TPD52L1: variants seen among roughly 807,000 people sequenced by gnomAD.
The protein encoded by TPD52L1 is tumor protein D53.
Under a neutral mutation model 28.7 loss-of-function variants are expected in TPD52L1, and 18 were observed. That is an observed-to-expected ratio of 0.63 (90% confidence interval 0.43 to 0.93). The LOEUF is 0.93. Among genes scored for constraint, TPD52L1 ranks in the 40% least tolerant of loss-of-function variants. TPD52L1 has a pLI of 0.00. For synonymous variants in TPD52L1, 75 were observed against 88.8 expected, an observed-to-expected ratio of 0.84 and a Z score of 0.88; for missense variants, 203 against 254.8, an observed-to-expected ratio of 0.80 and a Z score of 1.39.
intron 1 of TPD52L1, among the ~76,000 whole-genome samples, chr6:125,174,755 C>T (rs1791715460): frequency 6.6e-6 from 1 of 152,148 alleles, no homozygotes; most frequent in Non-Finnish European, 1.5e-5. Flanking sequence ...GTGCTTACCT[C>T]TTCAGTTAGC....
intron 1 of TPD52L1, among the ~76,000 whole-genome samples, chr6:125,212,167 T>G (rs1371583865): frequency 6.6e-6 from 1 of 152,166 alleles, no homozygotes; most frequent in East Asian, 1.9e-4. Flanking sequence ...TTAATAAATA[T>G]TACAGTCTTA....
chr6:125,172,354 G>C (rs1161414320), intron 1 of TPD52L1, among the ~76,000 whole-genome samples: 1 of 139,166 alleles, frequency 7.2e-6, no homozygotes, highest in Non-Finnish European at 1.5e-5. Context: ...GAGTGCAGTG[G>C]TGCAATCCTG....
Position 125,261,024 on chromosome 6 carries a change from A to AAAAG in TPD52L1, c.487-1786_487-1783dup, listed in dbSNP as rs1177753693. 5 of 30,572 alleles carry AAAAG rather than the reference A, an allele frequency of 1.6e-4. 1 individual carries two copies. The highest frequency in any genetic ancestry group is 6.8e-4 in the African/African-American group (3 of 4,392). 1.9% of individuals were successfully genotyped at this position (30,572 alleles called of 1,614,324 possible). On this transcript the variant is annotated intron_variant, in intron 6 of 6. Coordinates refer to ENST00000534000, the MANE Select transcript of TPD52L1 (RefSeq NM_003287.4). ...AAAGAAAGAAAGAAAGAAAGAAAAG[A>AAAAG]AAAGAAAGAAAGAAAGAAAGAAAGA...
rs1362004669 is a variant in TPD52L1, at chr6:125,163,927, A to C, written c.19+9957A>C. 4.0e-5 allele frequency among the ~76,000 whole-genome samples: 6 copies of C among 151,134 alleles called. No individual in the cohort carries two copies. In the East Asian group the frequency reaches 1.2e-3, roughly 29 times the overall value. ...GTGACACTCTGTCTCAAAAAAAAAA[A>C]AAAAGAAAACAAAAGAAAAAAACCA... On this transcript the variant is annotated intron_variant, in intron 1 of 6. Coordinates refer to ENST00000534000, the MANE Select transcript of TPD52L1 (RefSeq NM_003287.4).
intron 1 of TPD52L1, among the ~76,000 whole-genome samples, chr6:125,204,998 T>C (rs1794026679): frequency 6.6e-6 from 1 of 152,220 alleles, no homozygotes; most frequent in Admixed American, 6.5e-5. Context: ...TAACTCTTTA[T>C]TCTCCACAAT....
chr6:125,262,052 G>A (rs1183980470), intron 6 of TPD52L1: 2 of 152,292 alleles, frequency 1.3e-5, no homozygotes, highest in Non-Finnish European at 2.9e-5. Flanking sequence ...TGGCAGGAAG[G>A]AGAAGTGCTG....
At chr6:125,162,310 G>T (rs1319381463) in intron 1 of TPD52L1, among the ~76,000 whole-genome samples, 6 of 152,158 alleles carry the variant, frequency 3.9e-5, no homozygotes, top group African/African-American at 7.2e-5. Flanking sequence ...GGCAGCTGTT[G>T]TAGTAGATGG....
At chr6:125,247,479 A>T (rs1253205763) in intron 3 of TPD52L1, among the ~76,000 whole-genome samples, 1 of 152,110 alleles carries the variant, frequency 6.6e-6, no homozygotes, top group Middle Eastern at 3.2e-3. Context: ...TCTCCTGTTG[A>T]ATCTGTCCAT....
chr6:125,223,733 G>T (rs1456250832), intron 2 of TPD52L1, among the ~76,000 whole-genome samples: 1 of 133,256 alleles, frequency 7.5e-6, no homozygotes. Flanking sequence ...AAAAAAAAAG[G>T]AATCTCTTTT....
intron 1 of TPD52L1, among the ~76,000 whole-genome samples, chr6:125,192,930 A>T (rs779798892): frequency 3.9e-5 from 6 of 152,190 alleles, no homozygotes; most frequent in Non-Finnish European, 8.8e-5. Flanking sequence ...ATTTAATTAT[A>T]AGGGCTGGTT....
chr6:125,242,904 G>A (rs537306386), intron 3 of TPD52L1, among the ~76,000 whole-genome samples: 17 of 152,154 alleles, frequency 1.1e-4, no homozygotes, highest in Non-Finnish European at 1.6e-4. Flanking sequence ...TGAGATTTAC[G>A]CTTTGATGAA....
At chr6:125,223,836 TG>T (rs1218936692) in intron 2 of TPD52L1, among the ~76,000 whole-genome samples, 1 of 152,118 alleles carries the variant, frequency 6.6e-6, no homozygotes, top group Non-Finnish European at 1.5e-5. Context: ...ACCTCTGATC[TG>T]GTGCAGTGGT....
intron 1 of TPD52L1, among the ~76,000 whole-genome samples, chr6:125,187,970 G>T (rs901860204): frequency 6.6e-6 from 1 of 151,738 alleles, no homozygotes; most frequent in Admixed American, 6.6e-5. Context: ...AGCATTAGCT[G>T]GGGTATGGTG....
intron 1 of TPD52L1, among the ~76,000 whole-genome samples, chr6:125,198,533 G>A (rs1291943470): frequency 2.0e-5 from 3 of 152,180 alleles, no homozygotes; most frequent in Non-Finnish European, 4.4e-5. Flanking sequence ...ACACATGGAA[G>A]TTATTGGTCA....
chr6:125,210,150 G>A (rs973099340), intron 1 of TPD52L1, among the ~76,000 whole-genome samples: 1 of 152,150 alleles, frequency 6.6e-6, no homozygotes, highest in Non-Finnish European at 1.5e-5. Context: ...CTCAGGCCAG[G>A]CCGAATTATA....
intron 3 of TPD52L1, among the ~76,000 whole-genome samples, chr6:125,237,315 A>G (rs1357035133): frequency 6.6e-6 from 1 of 152,192 alleles, no homozygotes; most frequent in Non-Finnish European, 1.5e-5. Context: ...AGGTGATTGC[A>G]AGAGCCCCGG....
intron 1 of TPD52L1, among the ~76,000 whole-genome samples, chr6:125,206,553 T>C (rs889780302): frequency 1.3e-5 from 2 of 152,084 alleles, no homozygotes; most frequent in African/African-American, 4.8e-5. Context: ...TAGGACTGAA[T>C]AGAACATGAC....
chr6:125,239,375 C>T (rs1361549603), intron 3 of TPD52L1, among the ~76,000 whole-genome samples: 1 of 152,188 alleles, frequency 6.6e-6, no homozygotes, highest in African/African-American at 2.4e-5. Flanking sequence ...AATGGATTCA[C>T]AGTTCCACAT....
chr6:125,182,953 T>C (rs1792310166), intron 1 of TPD52L1, among the ~76,000 whole-genome samples: 8 of 152,232 alleles, frequency 5.3e-5, no homozygotes, highest in Admixed American at 4.6e-4. Context: ...GAGTCCTTTA[T>C]TCCAGTCACA....
Sources: gnomAD v4.1 joint callset for allele counts (sites outside exome capture counted in the v4.1 genomes callset) on GRCh38, gnomAD v4.1.1 for gene constraint, MANE v1.5 for transcripts, NCBI Gene and HGNC (gene_info 2026-07-23, HGNC 2026-07-21) for gene names.